Variants in EPHA4 observed in about 807,000 individuals in gnomAD.
The protein encoded by EPHA4 is EPH receptor A4, also known as ephrin type-A receptor 4.
Under a neutral mutation model 108.3 loss-of-function variants are expected in EPHA4, and 19 were observed. That is an observed-to-expected ratio of 0.18 (90% CI 0.12 to 0.26). The LOEUF (loss-of-function observed/expected upper bound fraction) is 0.26. Among genes scored for constraint, EPHA4 ranks in the 10% least tolerant of loss-of-function variants. EPHA4 has a pLI of 1.00. For missense variants in EPHA4, 917 were observed against 1,254.0 expected, an observed-to-expected ratio of 0.73 and a Z score of 4.06; for synonymous variants, 449 against 455.5, an observed-to-expected ratio of 0.99 and a Z score of 0.18.
At chr2:221,528,413 A>G (rs573988043) in intron 3 of EPHA4, among the ~76,000 whole-genome samples, 1 of 152,336 alleles carries the variant, frequency 6.6e-6, no homozygotes, top group East Asian at 1.9e-4. Context: ...CGAGCAGCCA[A>G]TTCAACGTTT....
Position 221,443,609 on chromosome 2 carries a change from G to T in EPHA4, c.1775-3C>A. ...GGGGTCCACATATGTTCTTACACCT[G>T]AGTGATAAACATGATAAGTTGGCTG... On this transcript the variant is annotated splice_polypyrimidine_tract_variant and splice_region_variant and intron_variant, in intron 9 of 17. Transcript: ENST00000281821. 1 of 1,605,318 alleles carries T rather than the reference G, an allele frequency of 6.2e-7. No homozygotes were observed. The highest frequency in any genetic ancestry group is 1.1e-5 in the South Asian group (1 of 90,518).
At chr2:221,441,836 A>C (rs1425483310) in intron 11 of EPHA4, among the ~76,000 whole-genome samples, 1 of 152,054 alleles carries the variant, frequency 6.6e-6, no homozygotes, top group Admixed American at 6.6e-5. Context: ...ACCCATCTCA[A>C]CTGCAGCCTC....
intron 8 of EPHA4, among the ~76,000 whole-genome samples, chr2:221,448,586 G>A (rs1322714544): frequency 6.6e-6 from 1 of 152,076 alleles, no homozygotes; most frequent in Non-Finnish European, 1.5e-5. Context: ...AGGAATATAA[G>A]AGTGTTAGGT....
At chr2:221,550,083 G>A (rs1405139932) in intron 3 of EPHA4, among the ~76,000 whole-genome samples, 1 of 152,166 alleles carries the variant, frequency 6.6e-6, no homozygotes, top group South Asian at 2.1e-4. Flanking sequence ...CACCGTAAAA[G>A]AAACAGAGGC....
chr2:221,566,470 G>A (rs1055125248), intron 2 of EPHA4, among the ~76,000 whole-genome samples: 11 of 152,014 alleles, frequency 7.2e-5, no homozygotes, highest in African/African-American at 1.4e-4. Context: ...AAAAGTCCTC[G>A]TCAATTATAA....
At chr2:221,431,315 T>C (rs1241433326) in intron 14 of EPHA4, among the ~76,000 whole-genome samples, 1 of 152,246 alleles carries the variant, frequency 6.6e-6, no homozygotes, top group East Asian at 1.9e-4. Context: ...ATGACTTCAC[T>C]GGACTCACCC....
At position 221,482,470 on chromosome 2, in the gene EPHA4, G is replaced by T. The variant is rs55713430; in HGVS notation, c.1200C>A (p.Ile400=). ...AATTGGTATGAGCTAGGAGGTCAGT[G>T]ATGGAGACTTTGGTGGTCTTCAAGC... ...QNGLKTTKVS[I]TDLLAHTNYT... The change falls in exon 5 of 18, where the codon ATC becomes ATA. Residue 400 remains isoleucine (I), a synonymous_variant. Coordinates refer to ENST00000281821, the MANE Select transcript of EPHA4 (RefSeq NM_004438.5). 129 of 1,614,136 alleles carry T rather than the reference G, an allele frequency of 8.0e-5. No individual in the cohort carries two copies. In the East Asian group the frequency reaches 1.3e-3, roughly 16 times the overall value.
rs1694829276 is a variant in EPHA4, at chr2:221,571,281, C to T, written c.91+877G>A. On this transcript the variant is annotated intron_variant, in intron 1 of 17. Transcript: ENST00000281821. The surrounding 1 kb of genome is among the most constrained non-coding windows in gnomAD (Gnocchi z 6.3). The stretch of plus-strand genomic sequence containing the variant: ...ACACACACACACACACACAGTTCGC[C>T]TCTCCCTGGGTTTCTCAGAAACTAA... Among the ~76,000 whole-genome samples, 1 of 151,654 alleles carries T rather than the reference C, an allele frequency of 6.6e-6. No homozygotes were observed. The highest frequency in any genetic ancestry group is 2.4e-5 in the African/African-American group (1 of 41,252).
chr2:221,430,160 G>C lies in EPHA4; in HGVS notation c.2497-9C>G. ...TCAATGGCTTTAATCACCTATGGAA[G>C]ACAACAGGATGGTATGTTAAGCTGC... On this transcript the variant is annotated splice_polypyrimidine_tract_variant and intron_variant, in intron 14 of 17. Coordinates refer to ENST00000281821, the MANE Select transcript of EPHA4 (RefSeq NM_004438.5). The C allele has an allele frequency of 1.2e-6, 2 of 1,602,636 alleles. No individual in the cohort carries two copies. The highest frequency in any genetic ancestry group is 2.2e-5 in the East Asian group (1 of 44,468).
At chr2:221,467,267 A>G (rs988574915) in intron 5 of EPHA4, among the ~76,000 whole-genome samples, 1 of 152,236 alleles carries the variant, frequency 6.6e-6, no homozygotes, top group African/African-American at 2.4e-5. Context: ...TGACGGTCAC[A>G]TAGGTGTTTA....
intron 1 of EPHA4, among the ~76,000 whole-genome samples, chr2:221,570,541 G>A (rs536522539): frequency 6.6e-6 from 1 of 152,210 alleles, no homozygotes; most frequent in East Asian, 1.9e-4. Flanking sequence ...GGAGATGGGA[G>A]ATCCAGAGGG....
intron 3 of EPHA4, among the ~76,000 whole-genome samples, chr2:221,518,761 G>T (rs1349250926): frequency 6.6e-6 from 1 of 152,106 alleles, no homozygotes; most frequent in Non-Finnish European, 1.5e-5. Flanking sequence ...TATGGGCTTG[G>T]CTGAAGCTTG....
chr2:221,495,612 C>G (rs994926518), intron 4 of EPHA4, among the ~76,000 whole-genome samples: 1 of 152,216 alleles, frequency 6.6e-6, no homozygotes, highest in Non-Finnish European at 1.5e-5. Flanking sequence ...ATCTCACAGG[C>G]AGCCATTTAT....
intron 3 of EPHA4, among the ~76,000 whole-genome samples, chr2:221,528,010 C>T (rs934851444): frequency 1.7e-4 from 25 of 146,624 alleles, no homozygotes; most frequent in South Asian, 6.5e-4. Context: ...CCCACCCCTA[C>T]CTAACCACCC....
intron 11 of EPHA4, among the ~76,000 whole-genome samples, chr2:221,437,782 G>A (rs1294963677): frequency 6.9e-6 from 1 of 145,742 alleles, no homozygotes; most frequent in Non-Finnish European, 1.5e-5. Context: ...AATTTGCCAA[G>A]CATGGTGGCA....
At chr2:221,570,450 C>T (rs1269711300) in intron 1 of EPHA4, among the ~76,000 whole-genome samples, 1 of 152,148 alleles carries the variant, frequency 6.6e-6, no homozygotes, top group Non-Finnish European at 1.5e-5. Context: ...CACGATTCCT[C>T]TCAGGGGAAT....
chr2:221,509,378 G>A lies in EPHA4; in HGVS notation c.824-8206C>T, dbSNP rs528688922. 4.6e-5 allele frequency among the ~76,000 whole-genome samples: 7 copies of A among 152,268 alleles called. No individual in the cohort carries two copies. The East Asian group carries it at 9.6e-4, about 21-fold the overall frequency. Reference sequence around the variant, plus strand: ...CTAAAAACTTAAACTTAGTTATTTCGAGATTTTTTTGTGCACTCTGAGGAG... The same window carrying A: ...CTAAAAACTTAAACTTAGTTATTTCAAGATTTTTTTGTGCACTCTGAGGAG... On this transcript the variant is annotated intron_variant, in intron 3 of 17. Transcript: ENST00000281821.
intron 3 of EPHA4, among the ~76,000 whole-genome samples, chr2:221,562,173 T>C (rs1160982193): frequency 1.3e-5 from 2 of 151,798 alleles, no homozygotes; most frequent in Non-Finnish European, 2.9e-5. Flanking sequence ...AATCCTTAAA[T>C]TCCAACTTGT....
intron 8 of EPHA4, among the ~76,000 whole-genome samples, chr2:221,448,656 G>A (rs1211828660): frequency 6.6e-6 from 1 of 152,184 alleles, no homozygotes; most frequent in African/African-American, 2.4e-5. Flanking sequence ...TCCCAAGGGA[G>A]TGATAGGGTC....
Sources: allele counts gnomAD v4.1 joint callset (sites outside exome capture counted in the v4.1 genomes callset), GRCh38; gene constraint gnomAD v4.1.1; non-coding constraint Gnocchi (gnomAD v3.1); transcripts MANE v1.5; gene names NCBI Gene and HGNC (gene_info 2026-07-23, HGNC 2026-07-21).